The following COL3A1 variants were observed in gnomAD, a reference collection of about 807,000 sequenced individuals.
The protein encoded by COL3A1 is collagen alpha-1(III) chain.
Under a neutral mutation model 200.9 loss-of-function variants are expected in COL3A1, and 46 were observed. The ratio of observed to expected loss-of-function variants is 0.23; its 90% CI spans 0.18 to 0.29. COL3A1 has a LOEUF of 0.29. COL3A1 is among the 10% of genes least tolerant of loss of function. The probability of loss-of-function intolerance (pLI) is 1.00; values close to 1 mark genes in which losing one functional copy is unlikely to be tolerated. For missense variants in COL3A1, 1,367 were observed against 1,917.6 expected (o/e 0.71, Z 5.36); for synonymous variants, 650 against 628.0 (o/e 1.03, Z -0.52).
At chr2:188,991,368 T>C in intron 11 of COL3A1, 119 bp from the exon 12 acceptor site, 1 of 684,178 alleles carries the variant, frequency 1.5e-6, no homozygotes, top group Non-Finnish European at 2.4e-6. Flanking sequence ...AAATTAATAT[T>C]GTTAAAATGT....
chr2:188,984,896 A>G lies in COL3A1; in HGVS notation c.216A>G (p.Leu72=), dbSNP rs1688032482. 1 of 1,613,272 alleles carries G rather than the reference A, an allele frequency of 6.2e-7. No homozygotes were observed. The highest frequency in any genetic ancestry group is 8.5e-7 in the Non-Finnish European group (1 of 1,179,444). ...CDDIICDDQE[L]DCPNPEIPFG... Reference sequence around the variant, plus strand: ...ACATAATATGTGACGATCAAGAATTAGACTGCCCCAACCCAGAAATTCCAT... The same window carrying G: ...ACATAATATGTGACGATCAAGAATTGGACTGCCCCAACCCAGAAATTCCAT... The change falls in exon 2 of 51, where the codon TTA becomes TTG. Residue 72 remains leucine (L), a synonymous_variant. Transcript: ENST00000304636.
intron 1 of COL3A1, among the ~76,000 whole-genome samples, chr2:188,977,517 A>C (rs2153500468): frequency 6.6e-6 from 1 of 152,230 alleles, no homozygotes; most frequent in Non-Finnish European, 1.5e-5. Flanking sequence ...AACACACTGA[A>C]CTAACAGGAA....
intron 13 of COL3A1, 93 bp downstream of exon 13, chr2:188,991,815 A>G (rs971949183): frequency 2.3e-6 from 3 of 1,289,540 alleles, no homozygotes; most frequent in Non-Finnish European, 3.4e-6. Flanking sequence ...ATATGTTAGG[A>G]AAAAGACCTT....
At chr2:188,990,572 A>G (rs1365205718) in intron 10 of COL3A1, among the ~76,000 whole-genome samples, 1 of 152,196 alleles carries the variant, frequency 6.6e-6, no homozygotes, top group Non-Finnish European at 1.5e-5. Context: ...GTACTCTTGA[A>G]AAATATCGTT....
At chr2:188,980,082 TTAAAG>T (rs937413511) in intron 1 of COL3A1, among the ~76,000 whole-genome samples, 3 of 151,620 alleles carry the variant, frequency 2.0e-5, no homozygotes, top group Non-Finnish European at 4.4e-5. Flanking sequence ...AAGGAAGAAA[TTAAAG>T]TACTTAGTAA....
intron 1 of COL3A1, among the ~76,000 whole-genome samples, chr2:188,982,518 G>A (rs1021441986): frequency 8.6e-5 from 13 of 151,732 alleles, no homozygotes; most frequent in African/African-American, 3.1e-4. Context: ...GGAAATGTTT[G>A]AGCCTAGCTT....
chr2:189,005,174 A>C (rs1688558365), intron 40 of COL3A1, among the ~76,000 whole-genome samples, 176 bp from the exon 41 acceptor site: 1 of 152,360 alleles, frequency 6.6e-6, no homozygotes, highest in Admixed American at 6.5e-5. Context: ...CAAGTTAGAA[A>C]ATGCAAGAAG....
At chr2:188,984,044 AT>A (rs1443892265) in intron 1 of COL3A1, among the ~76,000 whole-genome samples, 1 of 151,898 alleles carries the variant, frequency 6.6e-6, no homozygotes, top group Non-Finnish European at 1.5e-5. Flanking sequence ...GATGGTTATG[AT>A]TCATATTTTC....
At chr2:188,981,829 A>C (rs1687959804) in intron 1 of COL3A1, among the ~76,000 whole-genome samples, 4 of 151,636 alleles carry the variant, frequency 2.6e-5, no homozygotes, top group Admixed American at 2.6e-4. Context: ...TATATTGCTA[A>C]CTATATTTTG....
intron 1 of COL3A1, among the ~76,000 whole-genome samples, chr2:188,978,379 A>C (rs1576457727): frequency 6.6e-6 from 1 of 152,096 alleles, no homozygotes; most frequent in South Asian, 2.1e-4. Context: ...GCTAAAGGAC[A>C]GCTCCTCAGG....
Position 189,004,358 on chromosome 2 carries a change from T to A in COL3A1, c.2925T>A (p.Gly975=). ...CTAGGGGAAGCCCTGGCCCTCAGGG[T>A]GTCAAGGTGAGTATAGTCATTTTCC... The part of the protein sequence containing the change: ...PGPRGSPGPQ[G]VKGESGKPGA... The change falls in exon 40 of 51, where the codon GGT becomes GGA. Residue 975 remains glycine (G), a synonymous_variant. Coordinates refer to ENST00000304636, the MANE Select transcript of COL3A1 (RefSeq NM_000090.4). 5.0e-6 allele frequency: 8 copies of A among 1,593,192 alleles called. No homozygotes were observed. Among genetic ancestry groups the A allele is most frequent in the Non-Finnish European group, 6.0e-6 (7 of 1,169,698 alleles).
intron 1 of COL3A1, among the ~76,000 whole-genome samples, chr2:188,975,576 G>A (rs778774209): frequency 9.9e-5 from 15 of 152,070 alleles, no homozygotes; most frequent in Non-Finnish European, 4.4e-5. Context: ...ACTAAACATG[G>A]TTACATTTAA....
chr2:188,974,640 A>G, intron 1 of COL3A1, 72 bp downstream of exon 1: 2 of 1,237,728 alleles, frequency 1.6e-6, no homozygotes, highest in South Asian at 1.2e-5. Context: ...AGGGGTGTAA[A>G]GGGGAAAATC....
At chr2:189,006,493 C>T (rs1173446809) in intron 43 of COL3A1, 41 bp downstream of exon 43, 2 of 1,579,954 alleles carry the variant, frequency 1.3e-6, no homozygotes, top group African/African-American at 2.7e-5. Context: ...TTGTCTATTT[C>T]CTTCAATAAA....
At chr2:188,999,649 G>A (rs998503621) in intron 31 of COL3A1, 72 bp downstream of exon 31, 23 of 1,433,666 alleles carry the variant, frequency 1.6e-5, no homozygotes, top group Non-Finnish European at 2.0e-5. Flanking sequence ...AACACTCCTG[G>A]AAAGTAATCG....
chr2:188,996,007 A>T (rs111835500), intron 22 of COL3A1, 118 bp from the exon 23 acceptor site: 1 of 1,054,288 alleles, frequency 9.5e-7, no homozygotes, highest in African/African-American at 1.6e-5. Flanking sequence ...AGGAAAAAAG[A>T]TGTGCAAATC....
chr2:189,004,376 C>T lies in COL3A1; in HGVS notation c.2931+12C>T. On this transcript the variant is annotated intron_variant, in intron 40 of 50. Transcript: ENST00000304636. Reference sequence around the variant, plus strand: ...CTCAGGGTGTCAAGGTGAGTATAGTCATTTTCCACTACACTCTTCCTTCCT... The same window carrying T: ...CTCAGGGTGTCAAGGTGAGTATAGTTATTTTCCACTACACTCTTCCTTCCT... 6.4e-7 allele frequency: 1 copy of T among 1,573,242 alleles called. No homozygotes were observed. Among genetic ancestry groups the T allele is most frequent in the Non-Finnish European group, 8.6e-7 (1 of 1,156,100 alleles).
Position 189,004,111 on chromosome 2 carries a change from G to C in COL3A1, c.2791G>C (p.Glu931Gln). The C allele has an allele frequency of 6.2e-7, 1 of 1,613,912 alleles. No individual in the cohort carries two copies. The highest frequency in any genetic ancestry group is 8.5e-7 in the Non-Finnish European group (1 of 1,180,012). ...AAAAGGTGATGCTGGCCAACCAGGA[G>C]AGAAGGGATCGCCTGGTGCCCAGGG... is the stretch of plus-strand genomic sequence containing the variant. ...GPKGDAGQPG[E>Q]KGSPGAQGPP... The change falls in exon 39 of 51, where the codon GAG becomes CAG. Residue 931 changes from glutamate (E) to glutamine (Q), a missense_variant. This residue lies in a region of COL3A1 where 846 missense variants were observed against 1,147.9 expected (regional missense o/e 0.74). Coordinates refer to ENST00000304636, the MANE Select transcript of COL3A1 (RefSeq NM_000090.4).
chr2:188,991,121 G>A, intron 11 of COL3A1, 64 bp downstream of exon 11: 1 of 1,515,244 alleles, frequency 6.6e-7, no homozygotes, highest in Non-Finnish European at 9.1e-7. Flanking sequence ...CTACATATAA[G>A]ATTCATATTG....
Sources: gnomAD v4.1 joint callset for allele counts (sites outside exome capture counted in the v4.1 genomes callset) on GRCh38, gnomAD v4.1.1 for gene constraint, gnomAD v4.1.1 regional missense constraint, MANE v1.5 for transcripts, NCBI Gene and HGNC (gene_info 2026-07-23, HGNC 2026-07-21) for gene names.